The following PIGU variants were observed in gnomAD, a reference collection of about 807,000 sequenced individuals.
The protein encoded by PIGU is phosphatidylinositol glycan anchor biosynthesis class U, also known as GPI-anchor transamidase component PIGU.
PIGU carries 24 observed loss-of-function variants against 49.9 expected under a neutral mutation model. The observed-to-expected ratio is 0.48, with a 90% CI of 0.35 to 0.68. The LOEUF is 0.68. Among genes scored for constraint, PIGU ranks in the 30% least tolerant of loss-of-function variants. The pLI, the probability that PIGU is intolerant of heterozygous loss-of-function variation, is 0.01. For missense variants in PIGU, 490 were observed against 532.6 expected (o/e 0.92, Z 0.79); for synonymous variants, 220 against 205.7 (o/e 1.07, Z -0.59).
chr20:34,619,829 T>C lies in PIGU; in HGVS notation c.530-3690A>G, dbSNP rs570759848. On this transcript the variant is annotated intron_variant, in intron 6 of 11. Coordinates refer to ENST00000217446, the MANE Select transcript of PIGU (RefSeq NM_080476.5). Reference sequence around the variant, plus strand: ...TTCCTTCCATAGACTGAAGTAGTCTTTGGGAAGGAAAAATCTGTTCCTCCT... The same window carrying C: ...TTCCTTCCATAGACTGAAGTAGTCTCTGGGAAGGAAAAATCTGTTCCTCCT... Among the ~76,000 whole-genome samples the C allele has an allele frequency of 3.9e-5, 6 of 152,310 alleles. No individual in the cohort carries two copies. The South Asian group carries it at 8.3e-4, about 21-fold the overall frequency.
At chr20:34,645,399 G>A (rs1986310320) in intron 2 of PIGU, 65 bp from the exon 3 acceptor site, 1 of 1,479,270 alleles carries the variant, frequency 6.8e-7, no homozygotes, top group Non-Finnish European at 8.9e-7. Flanking sequence ...AGTTTCCAGA[G>A]TAGAGAGTGG....
intron 3 of PIGU, 81 bp downstream of exon 3, chr20:34,645,187 CAAAAAAA>C: frequency 9.7e-7 from 1 of 1,031,150 alleles, no homozygotes; most frequent in South Asian, 2.1e-5. Context: ...GACCCCATCT[CAAAAAAA>C]AAAAAAAAAG....
intron 1 of PIGU, among the ~76,000 whole-genome samples, chr20:34,665,361 G>A (rs1317760898): frequency 6.6e-6 from 1 of 150,622 alleles, no homozygotes; most frequent in Non-Finnish European, 1.5e-5. Context: ...CCGCTACCAC[G>A]CCCGGCTAAT....
intron 6 of PIGU, among the ~76,000 whole-genome samples, chr20:34,631,247 G>A (rs1016728109): frequency 1.3e-5 from 2 of 151,902 alleles, no homozygotes; most frequent in African/African-American, 4.8e-5. Context: ...ACAAGGAAAT[G>A]TCCCAGAAAA....
chr20:34,564,557 T>C (rs1318029600), intron 11 of PIGU, among the ~76,000 whole-genome samples: 1 of 152,164 alleles, frequency 6.6e-6, no homozygotes, highest in African/African-American at 2.4e-5. Flanking sequence ...CTCAAAATAT[T>C]TTGCTGAGTG....
chr20:34,609,710 A>G (rs769329794), intron 7 of PIGU, among the ~76,000 whole-genome samples: 5 of 152,066 alleles, frequency 3.3e-5, no homozygotes, highest in Non-Finnish European at 7.4e-5. Context: ...GGATGTGACT[A>G]CACTGATCTT....
intron 6 of PIGU, among the ~76,000 whole-genome samples, chr20:34,631,824 A>C (rs1985790704): frequency 4.4e-5 from 3 of 68,546 alleles, no homozygotes; most frequent in African/African-American, 1.0e-4. Context: ...TTTAGTAGAG[A>C]CGGGGTTTCA....
rs1391947409 is a variant in PIGU at position 34,604,617 on chromosome 20, AAT to A, written c.627+11423_627+11424del. Among the ~76,000 whole-genome samples, 3 of 152,198 alleles carry A rather than the reference AAT, an allele frequency of 2.0e-5. No homozygotes were observed. The East Asian group carries it at 5.8e-4, about 29-fold the overall frequency. ...CTAGCACACACCTGGACATAGCAGAAATAACAGAAAGTGACTGGGGAAGAAAA... is the reference window on the plus strand; with the variant it reads ...CTAGCACACACCTGGACATAGCAGAAAACAGAAAGTGACTGGGGAAGAAAA... On this transcript the variant is annotated intron_variant, in intron 7 of 11. Transcript: ENST00000217446.
rs71194627 is a variant in PIGU, at chr20:34,595,095, C to CAAA, written c.628-6491_628-6489dup. 3.7e-3 allele frequency among the ~76,000 whole-genome samples: 259 copies of CAAA among 70,958 alleles called. 1 individual carries two copies. The highest frequency in any genetic ancestry group is 0.016 in the Middle Eastern group (1 of 64). 46.6% of individuals were successfully genotyped at this position (70,958 alleles called of 152,430 possible). A position where few individuals can be genotyped will look rare whatever the true frequency, so the allele number is the denominator to read the frequency against. On this transcript the variant is annotated intron_variant, in intron 7 of 11. Transcript: ENST00000217446. Reference sequence around the variant, plus strand: ...TGGGAAACAGAGCAAGACTCCGTCTCAAAAAAAAAAAAAAAAAAAAAAAGA... The same window carrying CAAA: ...TGGGAAACAGAGCAAGACTCCGTCTCAAAAAAAAAAAAAAAAAAAAAAAAAAGA...
Position 34,676,937 on chromosome 20 carries a change from C to A in PIGU, c.130+19G>T. 1 of 1,561,220 alleles carries A rather than the reference C, an allele frequency of 6.4e-7. No individual in the cohort carries two copies. Among genetic ancestry groups the A allele is most frequent in the Non-Finnish European group, 8.7e-7 (1 of 1,153,622 alleles). On this transcript the variant is annotated intron_variant, in intron 1 of 11. Transcript: ENST00000217446. The stretch of plus-strand genomic sequence containing the variant: ...AGGGCAGGTGGGGCCTGACAGTCTG[C>A]TCGAGCCAGTGGCCTCACCTCTCTT...
At chr20:34,613,808 C>T (rs1600629091) in intron 7 of PIGU, among the ~76,000 whole-genome samples, 1 of 152,172 alleles carries the variant, frequency 6.6e-6, no homozygotes. Context: ...ACTGAACTGG[C>T]AATCATAAAT....
intron 2 of PIGU, among the ~76,000 whole-genome samples, chr20:34,654,859 G>A (rs1012791878): frequency 1.7e-5 from 2 of 116,376 alleles, no homozygotes; most frequent in African/African-American, 3.2e-5. Flanking sequence ...ACAAAAATTA[G>A]CCAGGCATGG....
intron 7 of PIGU, among the ~76,000 whole-genome samples, chr20:34,612,853 C>T (rs1984872488): frequency 6.6e-6 from 1 of 152,014 alleles, no homozygotes; most frequent in Non-Finnish European, 1.5e-5. Flanking sequence ...AAACTCCTGA[C>T]CTCAAGTGGT....
At chr20:34,658,547 G>A (rs1204692701) in intron 1 of PIGU, among the ~76,000 whole-genome samples, 1 of 151,846 alleles carries the variant, frequency 6.6e-6, no homozygotes, top group Non-Finnish European at 1.5e-5. Context: ...TAGGAAGTGA[G>A]GAGCGTCTCT....
chr20:34,607,508 G>C (rs1267139397), intron 7 of PIGU, among the ~76,000 whole-genome samples: 2 of 152,138 alleles, frequency 1.3e-5, no homozygotes, highest in Admixed American at 6.5e-5. Flanking sequence ...CCACCTTCCT[G>C]CTCCATCCCC....
At chr20:34,579,735 T>A (rs1459141867) in intron 10 of PIGU, among the ~76,000 whole-genome samples, 1 of 152,176 alleles carries the variant, frequency 6.6e-6, no homozygotes, top group Non-Finnish European at 1.5e-5. Flanking sequence ...AACTATTAGA[T>A]CATTCAGGTT....
At chr20:34,657,014 T>C (rs1472588393) in intron 2 of PIGU, among the ~76,000 whole-genome samples, 166 bp downstream of exon 2, 2 of 152,210 alleles carry the variant, frequency 1.3e-5, no homozygotes, top group Non-Finnish European at 2.9e-5. Flanking sequence ...CCATTGCAAT[T>C]GCAAAACCTC....
chr20:34,637,800 A>C, intron 5 of PIGU, 76 bp downstream of exon 5: 3 of 1,585,736 alleles, frequency 1.9e-6, no homozygotes. Flanking sequence ...AAAATACAAC[A>C]AACAACATGG....
At chr20:34,660,701 A>G (rs1986904200) in intron 1 of PIGU, among the ~76,000 whole-genome samples, 1 of 152,226 alleles carries the variant, frequency 6.6e-6, no homozygotes, top group South Asian at 2.1e-4. Context: ...AAGCCTATGT[A>G]CAACTACTAG....
Sources: gnomAD v4.1 joint callset for allele counts (sites outside exome capture counted in the v4.1 genomes callset) on GRCh38, gnomAD v4.1.1 for gene constraint, MANE v1.5 for transcripts, NCBI Gene and HGNC (gene_info 2026-07-23, HGNC 2026-07-21) for gene names.